The following TFEB variants were observed in gnomAD, a reference collection of about 807,000 sequenced individuals.
TFEB encodes the protein T-cell transcription factor EB.
TFEB carries 12 observed loss-of-function variants against 48.0 expected under a neutral mutation model. The ratio of observed to expected loss-of-function variants is 0.25; its 90% CI spans 0.16 to 0.40. The LOEUF (loss-of-function observed/expected upper bound fraction) is 0.40, where lower values mean the gene tolerates loss of function less well. Among genes scored for constraint, TFEB ranks in the 10% least tolerant of loss-of-function variants. The pLI is 1.00. For synonymous variants in TFEB, 244 were observed against 261.4 expected (o/e 0.93, Z 0.64); for missense variants, 509 against 640.3 (o/e 0.79, Z 2.21).
At position 41,726,796 on chromosome 6, in the gene TFEB, G is replaced by A. The variant is rs184828732; in HGVS notation, c.-23+8554C>T. ...ATATGTGTATGTTTATGCTTTTTAAGCAACTATGCTATATTTCACAATTTT... is the reference window on the plus strand; with the variant it reads ...ATATGTGTATGTTTATGCTTTTTAAACAACTATGCTATATTTCACAATTTT... On this transcript the variant is annotated intron_variant, in intron 1 of 8. Coordinates refer to ENST00000373033, the MANE Select transcript of TFEB (RefSeq NM_001271944.2). Among the ~76,000 whole-genome samples, 22 of 152,244 alleles carry A rather than the reference G, an allele frequency of 1.4e-4. 1 individual carries two copies. The highest frequency in any genetic ancestry group is 5.1e-4 in the African/African-American group (21 of 41,526).
intron 1 of TFEB, among the ~76,000 whole-genome samples, chr6:41,711,464 G>A (rs1770471717): frequency 6.6e-6 from 1 of 152,164 alleles, no homozygotes; most frequent in Non-Finnish European, 1.5e-5. Flanking sequence ...TGGCCTCCCA[G>A]GTGGGGTATG....
chr6:41,710,112 A>T (rs1385793754), intron 1 of TFEB, among the ~76,000 whole-genome samples: 1 of 152,244 alleles, frequency 6.6e-6, no homozygotes, highest in Non-Finnish European at 1.5e-5. Context: ...TCCCTAATTT[A>T]TCTATTTTGG....
At chr6:41,686,317 C>T in intron 7 of TFEB, 80 bp from the exon 8 acceptor site, 1 of 1,565,370 alleles carries the variant, frequency 6.4e-7, no homozygotes, top group Non-Finnish European at 8.7e-7. Context: ...GGTTGCAGAG[C>T]TTATGTGGCC....
At chr6:41,728,808 A>C (rs1349583326) in intron 1 of TFEB, among the ~76,000 whole-genome samples, 1 of 152,142 alleles carries the variant, frequency 6.6e-6, no homozygotes, top group South Asian at 2.1e-4. Flanking sequence ...CAGAGGGCTC[A>C]GCGCCTTGTG....
At chr6:41,714,616 T>C (rs1770651362) in intron 1 of TFEB, among the ~76,000 whole-genome samples, 1 of 152,202 alleles carries the variant, frequency 6.6e-6, no homozygotes, top group African/African-American at 2.4e-5. Context: ...TGGCAGGGCC[T>C]TTCTGCCCAT....
intron 1 of TFEB, among the ~76,000 whole-genome samples, chr6:41,709,307 T>A (rs1438556975): frequency 2.6e-5 from 4 of 152,240 alleles, no homozygotes; most frequent in Admixed American, 6.5e-5. Flanking sequence ...TCAACTTACT[T>A]AAATTCCCAG....
chr6:41,718,015 C>T (rs1770810777), intron 1 of TFEB, among the ~76,000 whole-genome samples: 1 of 152,170 alleles, frequency 6.6e-6, no homozygotes, highest in East Asian at 1.9e-4. Flanking sequence ...ACAAGCCCTA[C>T]AGCAAAGAAA....
chr6:41,702,216 C>T (rs1166877533), intron 1 of TFEB, among the ~76,000 whole-genome samples: 1 of 152,164 alleles, frequency 6.6e-6, no homozygotes, highest in African/African-American at 2.4e-5. Flanking sequence ...CTCAGCCCTC[C>T]CAGACCCCAC....
chr6:41,716,852 C>A (rs145623531), intron 1 of TFEB, among the ~76,000 whole-genome samples: 12 of 152,336 alleles, frequency 7.9e-5, no homozygotes, highest in Non-Finnish European at 1.3e-4. Flanking sequence ...TGGCCTACCC[C>A]CTGGCCCATC....
At chr6:41,721,956 A>G (rs1771001946) in intron 1 of TFEB, among the ~76,000 whole-genome samples, 1 of 152,036 alleles carries the variant, frequency 6.6e-6, no homozygotes. Flanking sequence ...TCCAACTCCA[A>G]CTACTAATAA....
intron 1 of TFEB, among the ~76,000 whole-genome samples, chr6:41,707,164 G>T (rs1283676797): frequency 2.0e-5 from 3 of 152,152 alleles, no homozygotes; most frequent in Non-Finnish European, 4.4e-5. Context: ...TCAAACCTGA[G>T]ACATAAACCC....
chr6:41,704,963 G>A (rs1770132168), intron 1 of TFEB, among the ~76,000 whole-genome samples: 1 of 152,320 alleles, frequency 6.6e-6, no homozygotes, highest in South Asian at 2.1e-4. Context: ...TGGGGAAACA[G>A]CTTCAAAGCC....
intron 1 of TFEB, among the ~76,000 whole-genome samples, chr6:41,731,968 A>G (rs1477302173): frequency 3.9e-5 from 6 of 152,212 alleles, no homozygotes; most frequent in African/African-American, 1.4e-4. Flanking sequence ...GCAGCTCAGA[A>G]GAAAGGCCAG....
At chr6:41,715,935 T>G (rs1382484215) in intron 1 of TFEB, among the ~76,000 whole-genome samples, 1 of 152,128 alleles carries the variant, frequency 6.6e-6, no homozygotes, top group Non-Finnish European at 1.5e-5. Context: ...GGTGCCTGGC[T>G]ATAACAACTT....
chr6:41,725,176 G>A (rs920351017), intron 1 of TFEB, among the ~76,000 whole-genome samples: 11 of 152,180 alleles, frequency 7.2e-5, no homozygotes, highest in Admixed American at 7.2e-4. Context: ...TCTTTTCCTA[G>A]ATCAGAGTTT....
intron 1 of TFEB, among the ~76,000 whole-genome samples, chr6:41,694,305 G>A (rs1214214076): frequency 6.6e-6 from 1 of 152,162 alleles, no homozygotes; most frequent in African/African-American, 2.4e-5. Context: ...CCTGGGAGAG[G>A]ACGTTGGAGA....
At chr6:41,685,144 C>T in intron 8 of TFEB, 66 bp from the exon 9 acceptor site, 2 of 1,380,302 alleles carry the variant, frequency 1.4e-6, no homozygotes, top group Non-Finnish European at 1.9e-6. Flanking sequence ...GACCCCTCCC[C>T]TGGGCCTCTA....
intron 1 of TFEB, chr6:41,735,097 C>T (rs1335675684): frequency 5.1e-6 from 5 of 983,908 alleles, no homozygotes; most frequent in Admixed American, 6.2e-5. Flanking sequence ...GGAGAAGCCG[C>T]CCCCGGCCCG....
intron 1 of TFEB, among the ~76,000 whole-genome samples, chr6:41,704,465 G>A (rs1010730956): frequency 6.6e-6 from 1 of 152,236 alleles, no homozygotes; most frequent in African/African-American, 2.4e-5. Flanking sequence ...GCACCTTGGA[G>A]GTGGTCTGTG....
Sources: gnomAD v4.1 joint callset for allele counts (sites outside exome capture counted in the v4.1 genomes callset) on GRCh38, gnomAD v4.1.1 for gene constraint, MANE v1.5 for transcripts, NCBI Gene and HGNC (gene_info 2026-07-23, HGNC 2026-07-21) for gene names.